ATP10B: variants seen among roughly 807,000 people sequenced by gnomAD.
ATP10B encodes the protein ATPase phospholipid transporting 10B (putative), also known as phospholipid-transporting ATPase VB.
ATP10B carries 122 observed loss-of-function variants against 141.2 expected under a neutral mutation model. The ratio of observed to expected loss-of-function variants is 0.86; its 90% CI spans 0.75 to 1.00. The LOEUF (loss-of-function observed/expected upper bound fraction) is 1.00, where lower values mean the gene tolerates loss of function less well. Ranked by LOEUF, ATP10B falls within the 50% of genes least tolerant of loss-of-function variation. The pLI, the probability that ATP10B is intolerant of heterozygous loss-of-function variation, is 0.00. For missense variants in ATP10B, 1,876 were observed against 1,825.3 expected, an observed-to-expected ratio of 1.03 and a Z score of -0.51; for synonymous variants, 685 against 692.0, an observed-to-expected ratio of 0.99 and a Z score of 0.16.
chr5:160,623,421 ATCTAAAGGGTAG>A, intron 13 of ATP10B, among the ~76,000 whole-genome samples: 1 of 152,200 alleles, frequency 6.6e-6, no homozygotes, highest in Admixed American at 6.5e-5. Flanking sequence ...TCCTACCACT[ATCTAAAGGGTAG>A]CTACTGCTCT....
the ATP10B span, among the ~76,000 whole-genome samples, chr5:160,874,220 C>T: frequency 6.7e-6 from 1 of 149,486 alleles, no homozygotes; most frequent in Admixed American, 6.6e-5. Context: ...CAAGTGGGTC[C>T]CTGACCCCTG....
intron 25 of ATP10B, among the ~76,000 whole-genome samples, chr5:160,566,443 TG>T (rs1754540530): frequency 6.6e-6 from 1 of 152,250 alleles, no homozygotes; most frequent in African/African-American, 2.4e-5. Context: ...TTCTTGAATC[TG>T]TGGGCCTTGC....
intron 2 of ATP10B, among the ~76,000 whole-genome samples, chr5:160,766,337 A>AACGCACAC (rs1282692242): frequency 7.1e-6 from 1 of 140,296 alleles, no homozygotes; most frequent in Non-Finnish European, 1.5e-5. Context: ...GGATAAAGAG[A>AACGCACAC]ACACACACAC....
intron 13 of ATP10B, among the ~76,000 whole-genome samples, chr5:160,624,989 T>C (rs1355490757): frequency 6.6e-6 from 1 of 152,150 alleles, no homozygotes; most frequent in Admixed American, 6.5e-5. Context: ...CTCAACAGAG[T>C]AATGACAGCT....
rs759542398 is a variant in ATP10B at position 160,670,458 on chromosome 5, C to T, written c.675+5G>A. The stretch of plus-strand genomic sequence containing the variant: ...TACCATTGAAGATATTAGAAAGAGC[C>T]CTACCTGCTGTGAGAAGCCCTTCAC... On this transcript the variant is annotated splice_donor_5th_base_variant and intron_variant, in intron 7 of 25. Coordinates refer to ENST00000327245, the MANE Select transcript of ATP10B (RefSeq NM_025153.3). 2.4e-5 allele frequency: 39 copies of T among 1,613,688 alleles called. No homozygotes were observed. Among genetic ancestry groups the T allele is most frequent in the Non-Finnish European group, 3.0e-5 (35 of 1,179,886 alleles).
chr5:160,646,365 C>T (rs1760274627), intron 8 of ATP10B, among the ~76,000 whole-genome samples: 3 of 152,188 alleles, frequency 2.0e-5, no homozygotes, highest in Admixed American at 1.3e-4. Context: ...GCAAAGGATG[C>T]TATGGCAAAT....
chr5:160,796,733 A>C (rs921823387), intron 1 of ATP10B, among the ~76,000 whole-genome samples: 2 of 152,116 alleles, frequency 1.3e-5, no homozygotes, highest in Non-Finnish European at 2.9e-5. Flanking sequence ...CGTCTTGTCT[A>C]TTATAGACTC....
chr5:160,615,360 T>G (rs960264880), intron 17 of ATP10B, among the ~76,000 whole-genome samples: 11 of 151,462 alleles, frequency 7.3e-5, no homozygotes, highest in African/African-American at 2.4e-4. Context: ...TAGGCTGGCA[T>G]CTCCTACTTT....
chr5:160,645,493 G>C (rs1760212837), intron 8 of ATP10B, among the ~76,000 whole-genome samples: 1 of 152,220 alleles, frequency 6.6e-6, no homozygotes, highest in Non-Finnish European at 1.5e-5. Context: ...TCATAAAATA[G>C]ACCTCACAGG....
intron 2 of ATP10B, among the ~76,000 whole-genome samples, chr5:160,773,804 A>G (rs1021108235): frequency 6.6e-6 from 1 of 152,014 alleles, no homozygotes; most frequent in Admixed American, 6.6e-5. Flanking sequence ...GGATATTCCT[A>G]TGCCTGGCAG....
chr5:160,774,312 T>TC (rs941318520), intron 2 of ATP10B, among the ~76,000 whole-genome samples: 6 of 152,184 alleles, frequency 3.9e-5, no homozygotes, highest in African/African-American at 1.4e-4. Flanking sequence ...TTATCACATT[T>TC]CCCCCGGAGA....
intron 13 of ATP10B, among the ~76,000 whole-genome samples, chr5:160,626,845 C>A (rs1437192211): frequency 1.3e-5 from 2 of 152,216 alleles, no homozygotes; most frequent in Non-Finnish European, 2.9e-5. Flanking sequence ...GTAGGCCAAA[C>A]TCTACTCTGC....
chr5:160,612,645 T>A (rs1191625654), intron 18 of ATP10B, 96 bp downstream of exon 18: 1 of 1,126,188 alleles, frequency 8.9e-7, no homozygotes, highest in Non-Finnish European at 1.3e-6. Context: ...GCTTCCCTGG[T>A]GTACCCAAAT....
chr5:160,892,680 G>A, the ATP10B span, among the ~76,000 whole-genome samples: 1 of 152,090 alleles, frequency 6.6e-6, no homozygotes. Context: ...TATCCAAACT[G>A]TCTCCAGTTA....
At chr5:160,584,767 G>C (rs1273037834) in intron 24 of ATP10B, among the ~76,000 whole-genome samples, 1 of 151,962 alleles carries the variant, frequency 6.6e-6, no homozygotes, top group East Asian at 1.9e-4. Flanking sequence ...TTTTTTGTGA[G>C]GGCCTATGGG....
the ATP10B span, among the ~76,000 whole-genome samples, chr5:160,896,473 A>G: frequency 1.3e-5 from 2 of 152,106 alleles, no homozygotes; most frequent in Non-Finnish European, 2.9e-5. Flanking sequence ...GGACATATAC[A>G]CCCTCCTAAG....
Position 160,563,309 on chromosome 5 carries a change from G to A in ATP10B, c.*2144C>T, listed in dbSNP as rs1457347806. ...GTCACAGTTGGCTTGATTTACAGAG[G>A]GGCAAGAGTAGGTGACCAGTTGTAC... is the stretch of plus-strand genomic sequence containing the variant. On this transcript the variant is annotated 3_prime_UTR_variant, in exon 26 of 26. Coordinates refer to ENST00000327245, the MANE Select transcript of ATP10B (RefSeq NM_025153.3). 2.0e-5 allele frequency: 3 copies of A among 152,052 alleles called. No homozygotes were observed. The highest frequency in any genetic ancestry group is 4.4e-5 in the Non-Finnish European group (3 of 68,004). 9.4% of individuals were successfully genotyped at this position (152,052 alleles called of 1,614,324 possible).
At chr5:160,594,455 C>T (rs879111335) in intron 22 of ATP10B, among the ~76,000 whole-genome samples, 15 of 152,122 alleles carry the variant, frequency 9.9e-5, no homozygotes, top group African/African-American at 2.9e-4. Flanking sequence ...TAAAGACCAT[C>T]GAGGCTAGGA....
At chr5:160,813,977 A>T (rs894054635) in intron 1 of ATP10B, among the ~76,000 whole-genome samples, 2 of 152,240 alleles carry the variant, frequency 1.3e-5, no homozygotes, top group Non-Finnish European at 2.9e-5. Flanking sequence ...CCAAAACCCC[A>T]TCTGTACGTC....
Sources: allele counts gnomAD v4.1 joint callset (sites outside exome capture counted in the v4.1 genomes callset), GRCh38; gene constraint gnomAD v4.1.1; transcripts MANE v1.5; gene names NCBI Gene and HGNC (gene_info 2026-07-23, HGNC 2026-07-21).